The following FOXK1 variants were observed in gnomAD, a reference collection of about 807,000 sequenced individuals.
FOXK1 encodes the protein forkhead box K1, also known as forkhead box protein K1.
FOXK1 carries 19 observed loss-of-function variants against 51.9 expected under a neutral mutation model. The observed-to-expected ratio is 0.37, with a 90% CI of 0.26 to 0.54. FOXK1 has a LOEUF of 0.54. Among genes scored for constraint, FOXK1 ranks in the 20% least tolerant of loss-of-function variants. FOXK1 has a pLI of 0.87. For missense variants in FOXK1, 870 were observed against 1,032.7 expected (o/e 0.84, Z 2.16); for synonymous variants, 537 against 482.6 (o/e 1.11, Z -1.48).
intron 1 of FOXK1, among the ~76,000 whole-genome samples, chr7:4,726,249 A>C (rs1003558826): frequency 6.6e-6 from 1 of 152,192 alleles, no homozygotes; most frequent in African/African-American, 2.4e-5. Flanking sequence ...GCTTTTACTT[A>C]GGAAGCACGA....
In FOXK1 at chr7:4,769,899, T is replaced by C. The variant is rs759614050; in HGVS notation, c.*7435T>C. 3 of 152,232 alleles carry C rather than the reference T, an allele frequency of 2.0e-5. No homozygotes were observed. Among genetic ancestry groups the C allele is most frequent in the Admixed American group, 6.5e-5 (1 of 15,280 alleles). 9.4% of individuals were successfully genotyped at this position (152,232 alleles called of 1,614,324 possible). A position where few individuals can be genotyped will look rare whatever the true frequency, so the allele number is the denominator to read the frequency against. On this transcript the variant is annotated 3_prime_UTR_variant, in exon 9 of 9. Coordinates refer to ENST00000328914, the MANE Select transcript of FOXK1 (RefSeq NM_001037165.2). This position sits in a 1 kb window ranked among gnomAD's most constrained non-coding sequence, Gnocchi z 4.1. Reference sequence around the variant, plus strand: ...CATTTGAGTGGTTGGTGGTTTGCCCTGTGTCAGACACGGTGAAAAGAGTGC... The same window carrying C: ...CATTTGAGTGGTTGGTGGTTTGCCCCGTGTCAGACACGGTGAAAAGAGTGC...
intron 1 of FOXK1, 147 bp from the exon 2 acceptor site, chr7:4,740,691 G>A (rs1324155723): frequency 5.6e-6 from 4 of 708,478 alleles, no homozygotes; most frequent in Non-Finnish European, 7.1e-6. Flanking sequence ...TAAGTGTCCT[G>A]ATAAAAGCAT....
intron 1 of FOXK1, among the ~76,000 whole-genome samples, chr7:4,732,736 ACT>A (rs1234648508): frequency 6.6e-6 from 1 of 152,204 alleles, no homozygotes; most frequent in African/African-American, 2.4e-5. Context: ...GCTGCTATTC[ACT>A]GAGTTTTCGC....
chr7:4,725,293 G>A (rs1288399842), intron 1 of FOXK1, among the ~76,000 whole-genome samples: 4 of 152,228 alleles, frequency 2.6e-5, no homozygotes, highest in Non-Finnish European at 2.9e-5. Context: ...CGACGCCATC[G>A]GCTCCGGGAA....
At chr7:4,705,777 C>CG (rs1780082197) in intron 1 of FOXK1, among the ~76,000 whole-genome samples, 1 of 100,438 alleles carries the variant, frequency 1.0e-5, no homozygotes, top group African/African-American at 7.7e-5. Flanking sequence ...AACCTCGTGA[C>CG]CCCCCCCCGC....
chr7:4,704,989 G>A (rs540353656), intron 1 of FOXK1, among the ~76,000 whole-genome samples: 9 of 145,416 alleles, frequency 6.2e-5, no homozygotes, highest in South Asian at 2.2e-4. Context: ...ATGCCACCAC[G>A]CCCGGCTAAC....
In FOXK1 at chr7:4,722,278, C is replaced by T. The variant is rs1343685968; in HGVS notation, c.561-18560C>T. On this transcript the variant is annotated intron_variant, in intron 1 of 8. Transcript: ENST00000328914. This position sits in a 1 kb window ranked among gnomAD's most constrained non-coding sequence, Gnocchi z 5.1. ...GCATTCTCTGCCTTTCCCGAGCGTC[C>T]CTGCCTCAGATTCCAAAATCTGTTG... is the stretch of plus-strand genomic sequence containing the variant. 6.6e-6 allele frequency among the ~76,000 whole-genome samples: 1 copy of T among 151,632 alleles called. No homozygotes were observed. The highest frequency in any genetic ancestry group is 1.5e-5 in the Non-Finnish European group (1 of 67,680).
intron 1 of FOXK1, among the ~76,000 whole-genome samples, chr7:4,692,770 A>C (rs1779908708): frequency 6.6e-6 from 1 of 151,206 alleles, no homozygotes; most frequent in Non-Finnish European, 1.5e-5. Context: ...TCTGTCACCC[A>C]GGCTAGAGTG....
chr7:4,693,709 G>A (rs1779920415), intron 1 of FOXK1, among the ~76,000 whole-genome samples: 4 of 152,056 alleles, frequency 2.6e-5, no homozygotes, highest in Admixed American at 2.6e-4. Context: ...GAGTCCTGGA[G>A]TAAAGTCAGT....
At chr7:4,718,498 T>C (rs1308714950) in intron 1 of FOXK1, among the ~76,000 whole-genome samples, 1 of 152,218 alleles carries the variant, frequency 6.6e-6, no homozygotes, top group East Asian at 1.9e-4. Context: ...ACCCCCTGTC[T>C]ACTGAAGTAC....
intron 1 of FOXK1, among the ~76,000 whole-genome samples, chr7:4,736,358 C>T (rs767922523): frequency 6.6e-6 from 1 of 151,334 alleles, no homozygotes; most frequent in East Asian, 1.9e-4. Context: ...TATAAAACAT[C>T]GTTTTGTTTT....
chr7:4,741,065 G>A, intron 2 of FOXK1, 42 bp downstream of exon 2: 3 of 1,387,374 alleles, frequency 2.2e-6, no homozygotes, highest in Non-Finnish European at 2.9e-6. Context: ...CCAGGAGAGA[G>A]GGGGATGATG....
chr7:4,746,700 AT>A (rs1780706823), intron 2 of FOXK1, among the ~76,000 whole-genome samples: 1 of 152,194 alleles, frequency 6.6e-6, no homozygotes, highest in Non-Finnish European at 1.5e-5. Context: ...AAAATTAATA[AT>A]TAAAAAACAC....
intron 1 of FOXK1, among the ~76,000 whole-genome samples, chr7:4,724,987 T>G (rs907917673): frequency 2.6e-5 from 4 of 152,164 alleles, no homozygotes. Flanking sequence ...AGAGGAGAAG[T>G]GGGTTTGGGG....
At chr7:4,687,374 C>T (rs959496372) in intron 1 of FOXK1, among the ~76,000 whole-genome samples, 8 of 151,424 alleles carry the variant, frequency 5.3e-5, no homozygotes, top group Non-Finnish European at 1.0e-4. Flanking sequence ...CTCACTGAAA[C>T]CTCCGCCTCC....
At chr7:4,700,884 C>T (rs1003103177) in intron 1 of FOXK1, among the ~76,000 whole-genome samples, 5 of 152,176 alleles carry the variant, frequency 3.3e-5, no homozygotes, top group African/African-American at 1.2e-4. Context: ...ATAAACATCC[C>T]ACATACATGC....
chr7:4,756,077 A>G lies in FOXK1; in HGVS notation c.1050+694A>G, dbSNP rs986858796. 1.3e-5 allele frequency among the ~76,000 whole-genome samples: 2 copies of G among 152,134 alleles called. No individual in the cohort carries two copies. Among genetic ancestry groups the G allele is most frequent in the Non-Finnish European group, 2.9e-5 (2 of 68,014 alleles). ...TGTTGCATTTGCCTGTATTTTCTCC[A>G]ATGTCAGTGTAGCGCATCCACTAGC... On this transcript the variant is annotated intron_variant, in intron 4 of 8. Transcript: ENST00000328914. This position sits in a 1 kb window ranked among gnomAD's most constrained non-coding sequence, Gnocchi z 4.1.
Position 4,756,332 on chromosome 7 carries a change from C to T in FOXK1, c.1051-662C>T, listed in dbSNP as rs1583211450. On this transcript the variant is annotated intron_variant, in intron 4 of 8. Transcript: ENST00000328914. The surrounding 1 kb of genome is among the most constrained non-coding windows in gnomAD (Gnocchi z 4.1). ...GTTTCACCATGTTGCCCAGGCTGGT[C>T]TCAAACTCCTGACCTCAGGTAATCC... Among the ~76,000 whole-genome samples the T allele has an allele frequency of 2.0e-5, 3 of 152,172 alleles. No homozygotes were observed. In the East Asian group the frequency reaches 5.9e-4, roughly 30 times the overall value.
At chr7:4,687,512 G>C (rs1433547108) in intron 1 of FOXK1, among the ~76,000 whole-genome samples, 2 of 151,724 alleles carry the variant, frequency 1.3e-5, no homozygotes, top group African/African-American at 4.8e-5. Flanking sequence ...AGGCTGGTCT[G>C]GAACTCCTGA....
Sources: allele counts gnomAD v4.1 joint callset (sites outside exome capture counted in the v4.1 genomes callset), GRCh38; gene constraint gnomAD v4.1.1; non-coding constraint Gnocchi (gnomAD v3.1); transcripts MANE v1.5; gene names NCBI Gene and HGNC (gene_info 2026-07-23, HGNC 2026-07-21).